N4BP2L2: variants seen among roughly 807,000 people sequenced by gnomAD.
N4BP2L2 encodes NEDD4-binding protein 2-like 2.
A neutral mutation model predicts 56.2 loss-of-function variants in N4BP2L2; 50 were observed. That is an observed-to-expected ratio of 0.89 (90% confidence interval 0.71 to 1.13). The LOEUF is 1.13. Ranked by LOEUF, N4BP2L2 falls within the 50% of genes most tolerant of loss-of-function variation. N4BP2L2 has a pLI of 0.00. For synonymous variants in N4BP2L2, 203 were observed against 223.6 expected (o/e 0.91, Z 0.82); for missense variants, 689 against 693.8 (o/e 0.99, Z 0.08).
exon 6 of N4BP2L2, chr13:32,517,487 G>A (rs2139913259): frequency 9.5e-7 from 1 of 1,056,142 alleles, no homozygotes; most frequent in Non-Finnish European, 1.1e-6. Flanking sequence ...GTTCAATAGT[G>A]TCTATAAAAT....
At chr13:32,512,385 C>A (rs1404517890) in exon 6 of N4BP2L2, 1 of 152,158 alleles carries the variant, frequency 6.6e-6, no homozygotes, top group Non-Finnish European at 1.5e-5. Context: ...TCAGACTGTG[C>A]CTGTGTCCAT....
Position 32,480,692 on chromosome 13 carries a change from T to C in N4BP2L2, c.366-36566A>G, listed in dbSNP as rs563330839. ...CTTCACAACTTTTAAAGTGCTTTCA[T>C]AAACATCATCTTGTTCAAATCCACA... On this transcript the variant is annotated intron_variant, in intron 6 of 9. Transcript: ENST00000357505. 2.2e-5 allele frequency: 24 copies of C among 1,073,858 alleles called. 1 individual carries two copies. The South Asian group carries it at 3.1e-4, about 14-fold the overall frequency. 66.5% of individuals were successfully genotyped at this position (1,073,858 alleles called of 1,614,324 possible). A position where few individuals can be genotyped will look rare whatever the true frequency, so the allele number is the denominator to read the frequency against.
chr13:32,443,021 G>C, exon 7 of N4BP2L2: 1 of 1,612,694 alleles, frequency 6.2e-7, no homozygotes, highest in Non-Finnish European at 8.5e-7. Flanking sequence ...ACACCGATAC[G>C]ACTCTGTCCT....
exon 2 of N4BP2L2, chr13:32,536,084 T>C: frequency 6.2e-7 from 1 of 1,614,086 alleles, no homozygotes; most frequent in Non-Finnish European, 8.5e-7. Flanking sequence ...ATAATATCCA[T>C]TTTGTATCTG....
intron 2 of N4BP2L2, among the ~76,000 whole-genome samples, chr13:32,533,526 T>A (rs1048618204): frequency 8.0e-5 from 12 of 149,434 alleles, no homozygotes; most frequent in Admixed American, 2.0e-4. Context: ...TTTTTTTTTT[T>A]TTTTTTTTTT....
At chr13:32,438,712 C>T (rs2075814540) in exon 8 of N4BP2L2, 1 of 1,610,226 alleles carries the variant, frequency 6.2e-7, no homozygotes, top group Non-Finnish European at 8.5e-7. Context: ...CAAGGGGAAC[C>T]ACATAGTCAT....
intron 6 of N4BP2L2, among the ~76,000 whole-genome samples, chr13:32,474,899 C>T (rs57507723): frequency 0.045 from 6,886 of 152,200 alleles, 503 homozygotes; most frequent in African/African-American, 0.16. Flanking sequence ...TCCATGCATC[C>T]ATATGTGCAT....
exon 8 of N4BP2L2, chr13:32,438,734 G>A (rs1033342824): frequency 6.2e-7 from 1 of 1,605,586 alleles, no homozygotes; most frequent in Non-Finnish European, 8.5e-7. Context: ...AGGCAACAAG[G>A]ATTCTGTGAA....
intron 7 of N4BP2L2, among the ~76,000 whole-genome samples, chr13:32,439,371 G>A (rs927829249): frequency 2.0e-5 from 3 of 152,198 alleles, no homozygotes; most frequent in Non-Finnish European, 4.4e-5. Context: ...ATTAACGGAT[G>A]CTTGATCATT....
exon 6 of N4BP2L2, chr13:32,517,680 C>A (rs941167971): frequency 1.0e-4 from 146 of 1,424,322 alleles, no homozygotes; most frequent in Admixed American, 4.5e-4. Flanking sequence ...AAACAACTTG[C>A]TGGGAACATC....
chr13:32,451,853 T>C (rs766898929), intron 6 of N4BP2L2, among the ~76,000 whole-genome samples: 1 of 151,800 alleles, frequency 6.6e-6, no homozygotes, highest in Non-Finnish European at 1.5e-5. Context: ...TAAAACTGAC[T>C]AAAAAGAAAC....
At chr13:32,447,555 A>C (rs2077224526) in intron 6 of N4BP2L2, among the ~76,000 whole-genome samples, 1 of 152,192 alleles carries the variant, frequency 6.6e-6, no homozygotes, top group South Asian at 2.1e-4. Context: ...GCCTAATTAG[A>C]GGGATGAAGT....
intron 9 of N4BP2L2, among the ~76,000 whole-genome samples, chr13:32,433,264 T>A (rs1233154045): frequency 6.6e-6 from 1 of 152,248 alleles, no homozygotes; most frequent in Non-Finnish European, 1.5e-5. Context: ...TGCAAATGTG[T>A]TAACATGTTT....
intron 6 of N4BP2L2, chr13:32,477,843 C>A (rs749314043): frequency 7.0e-6 from 9 of 1,283,996 alleles, no homozygotes; most frequent in Non-Finnish European, 9.1e-6. Flanking sequence ...TAGTTGTTTG[C>A]ACTGGATTTG....
chr13:32,462,516 T>C (rs568269012), intron 6 of N4BP2L2, among the ~76,000 whole-genome samples: 2 of 152,174 alleles, frequency 1.3e-5, no homozygotes, highest in South Asian at 2.1e-4. Flanking sequence ...CATACTGTTA[T>C]AGATAGGAGG....
chr13:32,438,540 G>A (rs560122921), intron 8 of N4BP2L2: 2 of 743,598 alleles, frequency 2.7e-6, no homozygotes, highest in South Asian at 1.9e-5. Flanking sequence ...TGGAGGTTGT[G>A]GTGAGCCAAG....
At chr13:32,477,184 TG>T in intron 6 of N4BP2L2, 1 of 497,944 alleles carries the variant, frequency 2.0e-6, no homozygotes. Context: ...CATTTCTCCT[TG>T]GGCAGTCAGA....
At chr13:32,505,350 G>A (rs1393902284), downstream of N4BP2L2, 2 of 152,162 alleles carry the variant, frequency 1.3e-5, no homozygotes, top group Admixed American at 6.5e-5. Flanking sequence ...CAAGATGGCT[G>A]ATTGGATCCA....
intron 6 of N4BP2L2, among the ~76,000 whole-genome samples, chr13:32,481,401 T>C (rs2084722351): frequency 6.6e-6 from 1 of 152,108 alleles, no homozygotes; most frequent in South Asian, 2.1e-4. Context: ...TATCATCCTA[T>C]TTTCACCTTA....
Sources: allele counts gnomAD v4.1 joint callset (sites outside exome capture counted in the v4.1 genomes callset), GRCh38; gene constraint gnomAD v4.1.1; transcripts MANE v1.5; gene names NCBI Gene and HGNC (gene_info 2026-07-23, HGNC 2026-07-21).